Variants in GOLGA6L9 observed in about 807,000 individuals in gnomAD.
GOLGA6L9 encodes golgin A6 family like 9, also known as golgin subfamily A member 6-like protein 9.
In GOLGA6L9, 19 loss-of-function variants were observed where a neutral mutation model predicts 51.3. The observed-to-expected ratio is 0.37, with a 90% CI of 0.26 to 0.54. The LOEUF (loss-of-function observed/expected upper bound fraction) is 0.54. GOLGA6L9 is among the 20% of genes least tolerant of loss of function. The probability of loss-of-function intolerance (pLI) is 0.83; values close to 1 mark genes in which losing one functional copy is unlikely to be tolerated. For synonymous variants in GOLGA6L9, 97 were observed against 184.2 expected (o/e 0.53, Z 3.83); for missense variants, 247 against 464.1 (o/e 0.53, Z 4.30).
chr15:82,429,756 T>TC (rs1595948256), upstream of GOLGA6L9, among the ~76,000 whole-genome samples: 2 of 152,180 alleles, frequency 1.3e-5, no homozygotes, highest in African/African-American at 4.8e-5. Flanking sequence ...AAGTTTATTT[T>TC]TAACAGTTTT....
chr15:82,415,947 A>T, the GOLGA6L9 span: 1 of 152,342 alleles, frequency 6.6e-6, no homozygotes, highest in African/African-American at 2.4e-5. Context: ...GTGAGCTGAG[A>T]TCGTGCCACT....
At chr15:82,420,306 T>C in the GOLGA6L9 span, among the ~76,000 whole-genome samples, 1 of 152,070 alleles carries the variant, frequency 6.6e-6, no homozygotes, top group Non-Finnish European at 1.5e-5. Flanking sequence ...TTGTTATATT[T>C]ACTGTAGAGA....
chr15:82,419,973 C>G, the GOLGA6L9 span: 1 of 373,510 alleles, frequency 2.7e-6, no homozygotes, highest in Non-Finnish European at 5.3e-6. Flanking sequence ...TTTTGTTCTT[C>G]CTGTAGGGCT....
rs2031455612 is a variant in GOLGA6L9, at chr15:82,432,608, T to C, written c.241T>C (p.Ser81Pro). 6.2e-7 allele frequency: 1 copy of C among 1,604,788 alleles called. No homozygotes were observed. Among genetic ancestry groups the C allele is most frequent in the South Asian group, 1.1e-5 (1 of 90,832 alleles). Residue 81 changes from serine (S) to proline (P), a missense_variant, in exon 3 of 9, where the codon TCT becomes CCT. This residue lies in a region of GOLGA6L9 where 74 missense variants were observed against 91.2 expected (regional missense o/e 0.81). Coordinates refer to ENST00000618348, the MANE Select transcript of GOLGA6L9 (RefSeq NM_198181.4). The stretch of plus-strand genomic sequence containing the variant: ...TATCTACGGGGAGGGCCGTGCATCC[T>C]CTACTACCCTGCAGGATCTGGAGGT... ...TGIYGEGRAS[S>P]TTLQDLESQY...
the GOLGA6L9 span, among the ~76,000 whole-genome samples, chr15:82,417,955 T>C: frequency 6.6e-6 from 1 of 152,262 alleles, no homozygotes; most frequent in Non-Finnish European, 1.5e-5. Context: ...AATAAAAATT[T>C]GTAATCCCAT....
At position 82,432,600 on chromosome 15, in the gene GOLGA6L9, G is replaced by C. The variant is rs1208024627; in HGVS notation, c.233G>C (p.Arg78Pro). 6.2e-7 allele frequency: 1 copy of C among 1,603,936 alleles called. No homozygotes were observed. Residue 78 changes from arginine (R) to proline (P), a missense_variant, in exon 3 of 9, where the codon CGT (arginine) becomes CCT (proline). Arg to Pro is a moderately radical substitution (Grantham distance 103). Transcript: ENST00000618348. ...GCAACAGGTATCTACGGGGAGGGCC[G>C]TGCATCCTCTACTACCCTGCAGGAT... is the stretch of plus-strand genomic sequence containing the variant. ...DSATGIYGEG[R>P]ASSTTLQDLE...
Position 82,436,500 on chromosome 15 carries a change from C to G in GOLGA6L9, c.*89C>G. 2.6e-6 allele frequency: 4 copies of G among 1,514,944 alleles called. No homozygotes were observed. Among genetic ancestry groups the G allele is most frequent in the Non-Finnish European group, 3.6e-6 (4 of 1,126,716 alleles). 93.8% of individuals were successfully genotyped at this position (1,514,944 alleles called of 1,614,324 possible). ...CATTTACTTCATTTGAATGTTAGAG[C>G]CACTTATGTTTGTGTTTCTAATTTA... On this transcript the variant is annotated 3_prime_UTR_variant, in exon 9 of 9. Transcript: ENST00000618348.
Position 82,436,580 on chromosome 15 carries a change from T to G in GOLGA6L9, c.*169T>G. 1 of 668,092 alleles carries G rather than the reference T, an allele frequency of 1.5e-6. No homozygotes were observed. The highest frequency in any genetic ancestry group is 2.6e-5 in the South Asian group (1 of 38,378). 41.4% of individuals were successfully genotyped at this position (668,092 alleles called of 1,614,324 possible). A position where few individuals can be genotyped will look rare whatever the true frequency, so the allele number is the denominator to read the frequency against. On this transcript the variant is annotated 3_prime_UTR_variant, in exon 9 of 9. Coordinates refer to ENST00000618348, the MANE Select transcript of GOLGA6L9 (RefSeq NM_198181.4). ...ATAGTTTAAATTTATTTGTTTCTAA[T>G]TTATAGTTTAAATTTATTTGTGTTT...
At chr15:82,418,443 C>T in the GOLGA6L9 span, among the ~76,000 whole-genome samples, 2 of 152,208 alleles carry the variant, frequency 1.3e-5, no homozygotes, top group South Asian at 2.1e-4. Flanking sequence ...AGCTTTTGTG[C>T]TTTCAAAATT....
Position 82,436,539 on chromosome 15 carries a change from T to C in GOLGA6L9, c.*128T>C, listed in dbSNP as rs2150832200. On this transcript the variant is annotated 3_prime_UTR_variant, in exon 9 of 9. Transcript: ENST00000618348. ...GTTTCTAATTTATAGTTTAAATTTA[T>C]TTGTGTTTCTAATTTATAGTTTAAA... The C allele has an allele frequency of 4.8e-6, 6 of 1,258,666 alleles. No homozygotes were observed. In the East Asian group the frequency reaches 1.5e-4, roughly 32 times the overall value. The allele number at this position is 1,258,666 out of a possible 1,614,324, so 78.0% of individuals were successfully genotyped here.
rs1354697507 is a variant in GOLGA6L9, at chr15:82,438,324, A to C, written c.*1913A>C. On this transcript the variant is annotated 3_prime_UTR_variant, in exon 9 of 9. Coordinates refer to ENST00000618348, the MANE Select transcript of GOLGA6L9 (RefSeq NM_198181.4). ...TCACATACTGGCATATTTAAGCTGA[A>C]TGTCAGTCTGAAAAATAAATGTACT... 6.6e-6 allele frequency: 1 copy of C among 150,716 alleles called. No homozygotes were observed. The highest frequency in any genetic ancestry group is 1.5e-5 in the Non-Finnish European group (1 of 67,588). 9.3% of individuals were successfully genotyped at this position (150,716 alleles called of 1,614,324 possible). A position where few individuals can be genotyped will look rare whatever the true frequency, so the allele number is the denominator to read the frequency against.
At chr15:82,427,311 CTT>C (rs1485584020), upstream of GOLGA6L9, among the ~76,000 whole-genome samples, 2 of 134,910 alleles carry the variant, frequency 1.5e-5, no homozygotes, top group Admixed American at 1.5e-4. Flanking sequence ...CCCTCCCTCT[CTT>C]TCTTTCCTCT....
the GOLGA6L9 span, among the ~76,000 whole-genome samples, chr15:82,417,551 G>T: frequency 6.6e-4 from 100 of 152,340 alleles, no homozygotes; most frequent in African/African-American, 2.2e-3. Flanking sequence ...TTATGCAGTT[G>T]TACAAATGTA....
chr15:82,420,978 G>A, the GOLGA6L9 span, among the ~76,000 whole-genome samples: 3 of 130,902 alleles, frequency 2.3e-5, no homozygotes, highest in Admixed American at 2.5e-4. Flanking sequence ...AGCCTTTAGG[G>A]CAGCTTCTGA....
chr15:82,430,292 C>A (rs1287245673), intron 1 of GOLGA6L9, 129 bp downstream of exon 1: 1 of 349,086 alleles, frequency 2.9e-6, no homozygotes, highest in Middle Eastern at 6.7e-4. Context: ...CCTCTGGGCT[C>A]CCCCAACCAA....
chr15:82,430,512 C>T, intron 1 of GOLGA6L9: 6 of 33,286 alleles, frequency 1.8e-4, no homozygotes, highest in South Asian at 9.2e-4. Context: ...CTGCCCTCAC[C>T]AGTCATCCCT....
intron 1 of GOLGA6L9, 48 bp downstream of exon 1, chr15:82,430,211 C>T (rs1246230175): frequency 2.4e-5 from 13 of 537,214 alleles, no homozygotes; most frequent in East Asian, 1.2e-4. Flanking sequence ...AGATCCCCTC[C>T]GATGACAAGA....
At chr15:82,420,023 TA>T in the GOLGA6L9 span, 2 of 447,710 alleles carry the variant, frequency 4.5e-6, no homozygotes, top group South Asian at 2.0e-5. Context: ...ATCATGCAAA[TA>T]AAAGCCACCT....
Position 82,436,737 on chromosome 15 carries a change from A to G in GOLGA6L9, c.*326A>G, listed in dbSNP as rs1408590972. ...TTAGCATTTCTTTAATTTGATAATTATAGGACGTTAGCATGCATATCGAGT... is the reference window on the plus strand; with the variant it reads ...TTAGCATTTCTTTAATTTGATAATTGTAGGACGTTAGCATGCATATCGAGT... On this transcript the variant is annotated 3_prime_UTR_variant, in exon 9 of 9. Transcript: ENST00000618348. 8.7e-5 allele frequency: 17 copies of G among 195,976 alleles called. No homozygotes were observed. The highest frequency in any genetic ancestry group is 2.5e-4 in the African/African-American group (10 of 39,490). The allele number at this position is 195,976 out of a possible 1,614,324, so 12.1% of individuals were successfully genotyped here.
Sources: gnomAD v4.1 joint callset for allele counts (sites outside exome capture counted in the v4.1 genomes callset) on GRCh38, gnomAD v4.1.1 for gene constraint, gnomAD v4.1.1 regional missense constraint, MANE v1.5 for transcripts, NCBI Gene and HGNC (gene_info 2026-07-23, HGNC 2026-07-21) for gene names.